The following AAK1 variants were observed in gnomAD, a reference collection of about 807,000 sequenced individuals.
The protein encoded by AAK1 is AP2 associated kinase 1.
Under a neutral mutation model 116.0 loss-of-function variants are expected in AAK1, and 37 were observed. That is an observed-to-expected ratio of 0.32 (90% confidence interval 0.25 to 0.42). The LOEUF is 0.42. Among genes scored for constraint, AAK1 ranks in the 10% least tolerant of loss-of-function variants. AAK1 has a pLI of 1.00. For missense variants in AAK1, 919 were observed against 1,170.6 expected (o/e 0.79, Z 3.14); for synonymous variants, 458 against 439.9 (o/e 1.04, Z -0.51).
rs370613615 is a variant in AAK1 at position 69,519,053 on chromosome 2, T to C, written c.1398A>G (p.Gln466=). The C allele has an allele frequency of 6.4e-7, 1 of 1,550,562 alleles. No homozygotes were observed. Among genetic ancestry groups the C allele is most frequent in the African/African-American group, 1.4e-5 (1 of 72,930 alleles). ...QAQATPQHQQ[Q]LFLKQQQQQQ... ...GCTGCTGTTGCTGCTTGAGGAAGAG[T>C]TGCTGCTGGTGCTGGGGTGTGGCCT... Residue 466 remains glutamine, a synonymous_variant, in exon 12 of 22, where the codon CAA becomes CAG. Transcript: ENST00000409085.
chr2:69,525,403 G>T (rs1669981011), intron 9 of AAK1, among the ~76,000 whole-genome samples: 1 of 152,210 alleles, frequency 6.6e-6, no homozygotes, highest in Non-Finnish European at 1.5e-5. Context: ...GTGAGTCACT[G>T]GGGCTTGATC....
chr2:69,474,406 A>T lies in AAK1; in HGVS notation c.*1463T>A. ...TTATAAAAGTGCTTTCCACATAAGG[A>T]AATAAAATACACTTTAATGAGTAAG... On this transcript the variant is annotated 3_prime_UTR_variant, in exon 22 of 22. Transcript: ENST00000409085. 1.0e-6 allele frequency: 1 copy of T among 985,856 alleles called. No individual in the cohort carries two copies. Among genetic ancestry groups the T allele is most frequent in the South Asian group, 4.7e-5 (1 of 21,282 alleles). 61.1% of individuals were successfully genotyped at this position (985,856 alleles called of 1,614,324 possible).
In AAK1 at chr2:69,474,418, C is replaced by CT; in HGVS notation, c.*1450dup. ...TTTCCACATAAGGAAATAAAATACA[C>CT]TTTAATGAGTAAGTACATATAGAGA... On this transcript the variant is annotated 3_prime_UTR_variant, in exon 22 of 22. Transcript: ENST00000409085. 2 of 985,792 alleles carry CT rather than the reference C, an allele frequency of 2.0e-6. No individual in the cohort carries two copies. Among genetic ancestry groups the CT allele is most frequent in the Non-Finnish European group, 2.4e-6 (2 of 829,932 alleles). 61.1% of individuals were successfully genotyped at this position (985,792 alleles called of 1,614,324 possible).
chr2:69,610,404 G>T (rs1674025399), intron 2 of AAK1, among the ~76,000 whole-genome samples: 1 of 152,172 alleles, frequency 6.6e-6, no homozygotes, highest in African/African-American at 2.4e-5. Flanking sequence ...TTCCTCAGAA[G>T]AAAACATATG....
intron 2 of AAK1, among the ~76,000 whole-genome samples, chr2:69,595,273 T>C (rs1317455056): frequency 6.6e-6 from 1 of 152,066 alleles, no homozygotes; most frequent in Non-Finnish European, 1.5e-5. Context: ...CCACCACACC[T>C]GGCTAGTTGT....
At position 69,615,478 on chromosome 2, in the gene AAK1, T is replaced by C. The variant is rs541240719; in HGVS notation, c.163+27400A>G. Among the ~76,000 whole-genome samples, 3 of 152,036 alleles carry C rather than the reference T, an allele frequency of 2.0e-5. No individual in the cohort carries two copies. In the South Asian group the frequency reaches 6.3e-4, roughly 32 times the overall value. On this transcript the variant is annotated intron_variant, in intron 2 of 21. Coordinates refer to ENST00000409085, the MANE Select transcript of AAK1 (RefSeq NM_014911.5). ...ATGTTTTAAGAACTGGCCTGAGGAG[T>C]TTCTAGAAGAACCTGAAACACGGGA... is the stretch of plus-strand genomic sequence containing the variant.
At chr2:69,480,620 A>G (rs10496170) in intron 19 of AAK1, among the ~76,000 whole-genome samples, 4,749 of 152,268 alleles carry the variant, frequency 0.031, 286 homozygotes, top group East Asian at 0.19. Context: ...TACTGTAACC[A>G]GAGAAAGCCC....
chr2:69,640,043 ACACACACACACT>A (rs1384535709), intron 2 of AAK1, among the ~76,000 whole-genome samples: 2,024 of 143,532 alleles, frequency 0.014, 23 homozygotes, highest in Non-Finnish European at 0.022. Context: ...ACACACACAC[ACACACACACACT>A]CTCTCTCTCT....
Position 69,467,091 on chromosome 2 carries a change from C to A in AAK1, c.*8778G>T, listed in dbSNP as rs1252767876. The stretch of plus-strand genomic sequence containing the variant: ...GATGACTTACATCACAAGCACTACT[C>A]AAAGAGCATACGAGTGCCCAAAATA... On this transcript the variant is annotated 3_prime_UTR_variant, in exon 22 of 22. Transcript: ENST00000409085. 2.0e-6 allele frequency: 2 copies of A among 985,308 alleles called. No individual in the cohort carries two copies. Among genetic ancestry groups the A allele is most frequent in the East Asian group, 2.3e-4 (2 of 8,832 alleles). The allele number at this position is 985,308 out of a possible 1,614,324, so 61.0% of individuals were successfully genotyped here.
At chr2:69,543,032 T>C (rs1041930573) in intron 4 of AAK1, among the ~76,000 whole-genome samples, 1 of 152,196 alleles carries the variant, frequency 6.6e-6, no homozygotes, top group Non-Finnish European at 1.5e-5. Context: ...GCCATATCTT[T>C]TAGTAAGAAT....
chr2:69,617,603 GATAA>G (rs1194582499), intron 2 of AAK1, among the ~76,000 whole-genome samples: 1 of 152,226 alleles, frequency 6.6e-6, no homozygotes, highest in Non-Finnish European at 1.5e-5. Flanking sequence ...TTAGAAGACT[GATAA>G]ATAAATCGTT....
chr2:69,478,348 T>A (rs1315011568), intron 20 of AAK1: 1 of 152,374 alleles, frequency 6.6e-6, no homozygotes, highest in Non-Finnish European at 1.5e-5. Flanking sequence ...AAAGGTAACA[T>A]GGAATATCTG....
chr2:69,527,464 C>A, intron 8 of AAK1, 145 bp from the exon 9 acceptor site: 1 of 586,276 alleles, frequency 1.7e-6, no homozygotes. Context: ...ATCCCCTTTT[C>A]TCTCCCTTAG....
At chr2:69,539,847 A>T (rs1454903182) in intron 5 of AAK1, among the ~76,000 whole-genome samples, 2 of 152,174 alleles carry the variant, frequency 1.3e-5, no homozygotes, top group African/African-American at 4.8e-5. Context: ...CTTTTCCAGA[A>T]AATTCCAATC....
In AAK1 at chr2:69,474,764, A is replaced by G. The variant is rs1241009037; in HGVS notation, c.*1105T>C. On this transcript the variant is annotated 3_prime_UTR_variant, in exon 22 of 22. Coordinates refer to ENST00000409085, the MANE Select transcript of AAK1 (RefSeq NM_014911.5). ...ACAAGTCTATTCAAAATGATTCCAT[A>G]TGTTACACTGTAGGATTGTTGTGTA... The G allele has an allele frequency of 1.0e-6, 1 of 985,726 alleles. No homozygotes were observed. The highest frequency in any genetic ancestry group is 1.7e-5 in the African/African-American group (1 of 57,236). The allele number at this position is 985,726 out of a possible 1,614,324, so 61.1% of individuals were successfully genotyped here.
At position 69,556,490 on chromosome 2, in the gene AAK1, G is replaced by T. The variant is rs943444151; in HGVS notation, c.282+370C>A. On this transcript the variant is annotated intron_variant, in intron 3 of 21. Coordinates refer to ENST00000409085, the MANE Select transcript of AAK1 (RefSeq NM_014911.5). ...CTCAGGAGGGTTGAACTGAGACTGGGGATTGGTAACAGAGAGAGAGAGAGA... is the reference window on the plus strand; with the variant it reads ...CTCAGGAGGGTTGAACTGAGACTGGTGATTGGTAACAGAGAGAGAGAGAGA... Among the ~76,000 whole-genome samples, 4 of 152,210 alleles carry T rather than the reference G, an allele frequency of 2.6e-5. No individual in the cohort carries two copies. In the East Asian group the frequency reaches 7.7e-4, roughly 29 times the overall value.
At chr2:69,514,420 G>A (rs941134695) in intron 13 of AAK1, 51 bp downstream of exon 13, 9 of 1,472,218 alleles carry the variant, frequency 6.1e-6, no homozygotes, top group Middle Eastern at 2.2e-4. Context: ...CCTAGCTCTC[G>A]CTGCACATTC....
chr2:69,475,687 A>C lies in AAK1; in HGVS notation c.*182T>G, dbSNP rs1453946994. 1.6e-5 allele frequency: 22 copies of C among 1,387,518 alleles called. No individual in the cohort carries two copies. Among genetic ancestry groups the C allele is most frequent in the Non-Finnish European group, 2.1e-5 (22 of 1,071,174 alleles). The allele number at this position is 1,387,518 out of a possible 1,614,324, so 86.0% of individuals were successfully genotyped here. On this transcript the variant is annotated 3_prime_UTR_variant, in exon 22 of 22. Coordinates refer to ENST00000409085, the MANE Select transcript of AAK1 (RefSeq NM_014911.5). ...GAGGAACTGGCCAAGGAATATCTGGAGGGCCAAAGTGATTTTCTTTCCTTA... is the reference window on the plus strand; with the variant it reads ...GAGGAACTGGCCAAGGAATATCTGGCGGGCCAAAGTGATTTTCTTTCCTTA...
chr2:69,594,719 A>G (rs1673185977), intron 2 of AAK1: 1 of 704,824 alleles, frequency 1.4e-6, no homozygotes, highest in East Asian at 2.5e-5. Context: ...TATTGTCTTC[A>G]TAATAAAAGA....
Sources: allele counts gnomAD v4.1 joint callset (sites outside exome capture counted in the v4.1 genomes callset), GRCh38; gene constraint gnomAD v4.1.1; transcripts MANE v1.5; gene names NCBI Gene and HGNC (gene_info 2026-07-23, HGNC 2026-07-21).